RSBN1: variants seen among roughly 807,000 people sequenced by gnomAD.
RSBN1 encodes lysine-specific demethylase 9.
Under a neutral mutation model 74.8 loss-of-function variants are expected in RSBN1, and 23 were observed. The ratio of observed to expected loss-of-function variants is 0.31; its 90% CI spans 0.22 to 0.44. The LOEUF (loss-of-function observed/expected upper bound fraction) is 0.44, where lower values mean the gene tolerates loss of function less well. Among genes scored for constraint, RSBN1 ranks in the 20% least tolerant of loss-of-function variants. RSBN1 has a pLI of 1.00. For missense variants in RSBN1, 808 were observed against 1,020.9 expected, an observed-to-expected ratio of 0.79 and a Z score of 2.84; for synonymous variants, 407 against 379.6, an observed-to-expected ratio of 1.07 and a Z score of -0.84.
chr1:113,794,135 ATC>A (rs1420993951), intron 2 of RSBN1, among the ~76,000 whole-genome samples: 4 of 151,942 alleles, frequency 2.6e-5, no homozygotes, highest in Non-Finnish European at 5.9e-5. Context: ...TCTGAAGACT[ATC>A]TCTCTCTCTC....
chr1:113,770,265 G>C (rs1206445232), intron 4 of RSBN1, among the ~76,000 whole-genome samples: 1 of 152,150 alleles, frequency 6.6e-6, no homozygotes, highest in African/African-American at 2.4e-5. Flanking sequence ...GTGATGTCTA[G>C]AACTGCCTCA....
Position 113,764,106 on chromosome 1 carries a change from T to TC in RSBN1, c.*1873dup, listed in dbSNP as rs1476191196. ...CCCACACACTTTGTGATTAAACCCC[T>TC]CCCCAACAAAATAACAAAAAACACC... On this transcript the variant is annotated 3_prime_UTR_variant, in exon 7 of 7. Transcript: ENST00000261441. 1 of 152,106 alleles carries TC rather than the reference T, an allele frequency of 6.6e-6. No homozygotes were observed. Among genetic ancestry groups the TC allele is most frequent in the African/African-American group, 2.4e-5 (1 of 41,248 alleles). 9.4% of individuals were successfully genotyped at this position (152,106 alleles called of 1,614,324 possible).
At chr1:113,800,078 A>G (rs945025848) in intron 1 of RSBN1, among the ~76,000 whole-genome samples, 4 of 152,202 alleles carry the variant, frequency 2.6e-5, no homozygotes, top group Admixed American at 6.5e-5. Flanking sequence ...GACAGTTCCA[A>G]TACTCCATAT....
At chr1:113,776,636 T>C (rs1245107554) in intron 4 of RSBN1, among the ~76,000 whole-genome samples, 2 of 151,988 alleles carry the variant, frequency 1.3e-5, no homozygotes, top group African/African-American at 2.4e-5. Flanking sequence ...TGAGACCCCA[T>C]CTCTACAAAA....
intron 1 of RSBN1, among the ~76,000 whole-genome samples, chr1:113,808,460 C>T (rs2101829783): frequency 6.6e-6 from 1 of 152,164 alleles, no homozygotes; most frequent in Admixed American, 6.5e-5. Context: ...CCCATGGATA[C>T]AGAGGGCTAA....
In RSBN1 at chr1:113,766,343, G is replaced by T; in HGVS notation, c.2046C>A (p.Val682=). ...CCGAAACTGTTTTGAACTGATGAAT[G>T]ACATTTCTAGGGATGAAGTAGATAT... ...DNDIYFIPRN[V]IHQFKTVSAV... Residue 682 remains valine, a synonymous_variant, in exon 7 of 7, where the codon GTC becomes GTA. Transcript: ENST00000261441. The T allele has an allele frequency of 6.2e-7, 1 of 1,614,066 alleles. No individual in the cohort carries two copies. Among genetic ancestry groups the T allele is most frequent in the East Asian group, 2.2e-5 (1 of 44,880 alleles).
chr1:113,766,554 A>T lies in RSBN1; in HGVS notation c.1936-101T>A, dbSNP rs921191318. The T allele has an allele frequency of 1.4e-5, 10 of 702,188 alleles. No homozygotes were observed. The African/African-American group carries it at 1.6e-4, about 11-fold the overall frequency. 43.5% of individuals were successfully genotyped at this position (702,188 alleles called of 1,614,324 possible). A position where few individuals can be genotyped will look rare whatever the true frequency, so the allele number is the denominator to read the frequency against. On this transcript the variant is annotated intron_variant, in intron 6 of 6. Coordinates refer to ENST00000261441, the MANE Select transcript of RSBN1 (RefSeq NM_018364.5). ...AACAGTAGAAACAAAATGTGTCATA[A>T]CAATAATCAAATTAAAATTAAGCAA...
At chr1:113,792,741 C>A (rs1483133677) in intron 2 of RSBN1, among the ~76,000 whole-genome samples, 1 of 151,934 alleles carries the variant, frequency 6.6e-6, no homozygotes, top group Non-Finnish European at 1.5e-5. Context: ...CCTCAGTGAG[C>A]CATGATCACA....
In RSBN1 at chr1:113,794,387, C is replaced by T. The variant is rs74111746; in HGVS notation, c.1377+2976G>A. On this transcript the variant is annotated intron_variant, in intron 2 of 6. Coordinates refer to ENST00000261441, the MANE Select transcript of RSBN1 (RefSeq NM_018364.5). ...CCCTATTAAAATTCACCAATGACTC[C>T]CAATTATCTTTAGGAAAAAGTACTA... Among the ~76,000 whole-genome samples, 461 of 152,176 alleles carry T rather than the reference C, an allele frequency of 3.0e-3. 2 individuals carry two copies. The highest frequency in any genetic ancestry group is 0.011 in the African/African-American group (446 of 41,510).
intron 1 of RSBN1, among the ~76,000 whole-genome samples, chr1:113,804,519 G>A (rs1205665859): frequency 6.6e-6 from 1 of 152,104 alleles, no homozygotes; most frequent in Non-Finnish European, 1.5e-5. Context: ...TCCACTATCA[G>A]ACATCTCCCT....
chr1:113,768,314 C>T lies in RSBN1; in HGVS notation c.1734G>A (p.Arg578=). Residue 578 remains arginine, a synonymous_variant, in exon 5 of 7, where the codon AGG becomes AGA. Transcript: ENST00000261441. The part of the protein sequence containing the change: ...SEPREVLFED[R]TRAHADHVGQ... ...CGACATGATCAGCATGAGCTCTAGT[C>T]CTATCTTCAAAGAGAACTTCGCGGG... 6.2e-7 allele frequency: 1 copy of T among 1,613,646 alleles called. No homozygotes were observed. The highest frequency in any genetic ancestry group is 1.7e-5 in the Admixed American group (1 of 59,976).
intron 4 of RSBN1, among the ~76,000 whole-genome samples, chr1:113,772,328 T>TA (rs1303162779): frequency 6.6e-6 from 1 of 151,826 alleles, no homozygotes; most frequent in Non-Finnish European, 1.5e-5. Flanking sequence ...AAAACCTGTA[T>TA]AAAAACATGA....
chr1:113,801,279 G>A (rs1020129489), intron 1 of RSBN1, among the ~76,000 whole-genome samples: 2 of 152,104 alleles, frequency 1.3e-5, no homozygotes, highest in East Asian at 1.9e-4. Context: ...CACGACGCCC[G>A]GCCTCAGCTT....
intron 2 of RSBN1, among the ~76,000 whole-genome samples, chr1:113,778,423 A>AAGT (rs1660075101): frequency 6.6e-6 from 1 of 151,484 alleles, no homozygotes; most frequent in South Asian, 2.1e-4. Context: ...TCAGCCTCCC[A>AAGT]AGTAGCTGGA....
intron 2 of RSBN1, among the ~76,000 whole-genome samples, chr1:113,786,472 G>GT (rs2101806818): frequency 6.6e-6 from 1 of 152,222 alleles, no homozygotes; most frequent in Non-Finnish European, 1.5e-5. Context: ...GTAATAACAC[G>GT]TGTCTTTTAA....
chr1:113,797,311 A>T, intron 2 of RSBN1, 52 bp downstream of exon 2: 1 of 1,396,726 alleles, frequency 7.2e-7, no homozygotes, highest in Non-Finnish European at 9.8e-7. Flanking sequence ...GAAAGAGGTT[A>T]ATTCTGTTTA....
chr1:113,811,617 A>G, intron 1 of RSBN1, 93 bp downstream of exon 1: 7 of 1,473,982 alleles, frequency 4.7e-6, no homozygotes, highest in Non-Finnish European at 6.3e-6. Context: ...GCAGAAGGTA[A>G]GCAGGGGTTT....
Position 113,811,771 on chromosome 1 carries a change from C to T in RSBN1, c.642G>A (p.Lys214=). Residue 214 remains lysine (K), a synonymous_variant, in exon 1 of 7, where the codon AAG becomes AAA. Coordinates refer to ENST00000261441, the MANE Select transcript of RSBN1 (RefSeq NM_018364.5). ...TCCTCTCGCCGTTTTCCTGCTTGTCCTTGTGCTTGAGATCGGTTCCGCAGG... is the reference window on the plus strand; with the variant it reads ...TCCTCTCGCCGTTTTCCTGCTTGTCTTTGTGCTTGAGATCGGTTCCGCAGG... ...PSSCGTDLKH[K]DKQENGERTG... 1 of 1,613,560 alleles carries T rather than the reference C, an allele frequency of 6.2e-7. No individual in the cohort carries two copies. Among genetic ancestry groups the T allele is most frequent in the Non-Finnish European group, 8.5e-7 (1 of 1,179,812 alleles).
intron 2 of RSBN1, among the ~76,000 whole-genome samples, chr1:113,796,668 G>A (rs956656769): frequency 2.0e-5 from 3 of 152,026 alleles, no homozygotes; most frequent in Non-Finnish European, 4.4e-5. Context: ...CAATTCTTAC[G>A]AGAAAAGCAA....
Sources: gnomAD v4.1 joint callset for allele counts (sites outside exome capture counted in the v4.1 genomes callset) on GRCh38, gnomAD v4.1.1 for gene constraint, MANE v1.5 for transcripts, NCBI Gene and HGNC (gene_info 2026-07-23, HGNC 2026-07-21) for gene names.